The following JAZF1 variants were observed in gnomAD, a reference collection of about 807,000 sequenced individuals.
The protein encoded by JAZF1 is JAZF zinc finger 1, also known as juxtaposed with another zinc finger protein 1.
Under a neutral mutation model 26.4 loss-of-function variants are expected in JAZF1, and 8 were observed. The ratio of observed to expected loss-of-function variants is 0.30; its 90% CI spans 0.18 to 0.55. JAZF1 has a LOEUF of 0.55. JAZF1 is among the 20% of genes least tolerant of loss of function. JAZF1 has a pLI of 0.94. For synonymous variants in JAZF1, 126 were observed against 122.3 expected, an observed-to-expected ratio of 1.03 and a Z score of -0.20; for missense variants, 199 against 322.0, an observed-to-expected ratio of 0.62 and a Z score of 2.92.
In JAZF1 at chr7:27,831,009, G is replaced by A; in HGVS notation, c.*1791C>T. On this transcript the variant is annotated 3_prime_UTR_variant, in exon 5 of 5. Transcript: ENST00000283928. ...ATTGCTGGCCTAAAAAATTTTTTTT[G>A]GTCAATTGTAGGTAGATATGAAATA... 1 of 219,082 alleles carries A rather than the reference G, an allele frequency of 4.6e-6. No homozygotes were observed. The highest frequency in any genetic ancestry group is 9.2e-6 in the Non-Finnish European group (1 of 108,930). The allele number at this position is 219,082 out of a possible 1,614,324, so 13.6% of individuals were successfully genotyped here.
chr7:27,965,926 CAT>C (rs1306312073), intron 2 of JAZF1, among the ~76,000 whole-genome samples: 3 of 152,162 alleles, frequency 2.0e-5, no homozygotes, highest in Non-Finnish European at 2.9e-5. Context: ...GCAACCACTG[CAT>C]ATACAAAACC....
chr7:28,091,013 A>T (rs1332781375), intron 1 of JAZF1, among the ~76,000 whole-genome samples: 10 of 149,988 alleles, frequency 6.7e-5, no homozygotes, highest in Non-Finnish European at 1.3e-4. Context: ...TTTTTAGTAG[A>T]GACGGGGTTT....
chr7:27,878,389 C>CA (rs1783716936), intron 3 of JAZF1, among the ~76,000 whole-genome samples: 1 of 151,366 alleles, frequency 6.6e-6, no homozygotes, highest in Non-Finnish European at 1.5e-5. Context: ...CACACACACA[C>CA]CCCATTTCCC....
chr7:28,002,311 T>C (rs951075731), intron 1 of JAZF1, among the ~76,000 whole-genome samples: 7 of 152,164 alleles, frequency 4.6e-5, no homozygotes, highest in Non-Finnish European at 8.8e-5. Context: ...TCCCAAAAGA[T>C]GACTATGAAA....
intron 1 of JAZF1, among the ~76,000 whole-genome samples, chr7:28,005,900 G>A (rs903293829): frequency 1.4e-5 from 2 of 147,476 alleles, no homozygotes; most frequent in East Asian, 2.0e-4. Flanking sequence ...AAAAAAAAAA[G>A]GCTTAAATTT....
In JAZF1 at chr7:28,105,842, A is replaced by C. The variant is rs113623795; in HGVS notation, c.115+74621T>G. On this transcript the variant is annotated intron_variant, in intron 1 of 4. Coordinates refer to ENST00000283928, the MANE Select transcript of JAZF1 (RefSeq NM_175061.4). ...TTTCTCACTTTATCAAAGTGACTCG[A>C]TGAGCACACAGCATCTCATCCTCAT... Among the ~76,000 whole-genome samples, 546 of 152,376 alleles carry C rather than the reference A, an allele frequency of 3.6e-3. 1 individual carries two copies. Among genetic ancestry groups the C allele is most frequent in the Admixed American group, 6.9e-3 (105 of 15,306 alleles).
chr7:27,940,918 C>T (rs1784837413), intron 2 of JAZF1, among the ~76,000 whole-genome samples: 1 of 152,136 alleles, frequency 6.6e-6, no homozygotes, highest in Non-Finnish European at 1.5e-5. Flanking sequence ...ATGTCTTGGC[C>T]TGGTAATATA....
At chr7:27,989,349 T>C (rs1785843611) in intron 2 of JAZF1, among the ~76,000 whole-genome samples, 1 of 152,144 alleles carries the variant, frequency 6.6e-6, no homozygotes, top group South Asian at 2.1e-4. Flanking sequence ...GAAAGAAACC[T>C]AGGCAATAGC....
chr7:27,954,211 T>C (rs1412627014), intron 2 of JAZF1, among the ~76,000 whole-genome samples: 2 of 152,326 alleles, frequency 1.3e-5, no homozygotes, highest in African/African-American at 4.8e-5. Flanking sequence ...GTAAATACTT[T>C]GGTTAGTGAG....
chr7:27,974,591 T>C (rs1039426701), intron 2 of JAZF1, among the ~76,000 whole-genome samples: 2 of 152,220 alleles, frequency 1.3e-5, no homozygotes, highest in African/African-American at 4.8e-5. Flanking sequence ...ATCATCCTGC[T>C]ATATACTTTT....
intron 2 of JAZF1, among the ~76,000 whole-genome samples, chr7:27,919,782 ATAAT>A (rs1277890366): frequency 6.6e-6 from 1 of 152,190 alleles, no homozygotes; most frequent in Non-Finnish European, 1.5e-5. Context: ...CATTTATTAA[ATAAT>A]TAATACGTAA....
Position 27,987,370 on chromosome 7 carries a change from G to A in JAZF1, c.188+4539C>T, listed in dbSNP as rs547871594. The stretch of plus-strand genomic sequence containing the variant: ...CCACCCCATCTGGGAGGTGAGGAGC[G>A]TCTCTGCCCGGCCGCCCCGTCTGAG... On this transcript the variant is annotated intron_variant, in intron 2 of 4. Transcript: ENST00000283928. Among the ~76,000 whole-genome samples the A allele has an allele frequency of 6.5e-3, 973 of 149,584 alleles. 14 individuals are homozygous for A. Among genetic ancestry groups the A allele is most frequent in the African/African-American group, 0.023 (924 of 40,380 alleles).
chr7:27,986,856 C>T (rs896012100), intron 2 of JAZF1, among the ~76,000 whole-genome samples: 3 of 152,132 alleles, frequency 2.0e-5, no homozygotes, highest in Non-Finnish European at 2.9e-5. Context: ...GGGGTTTCGC[C>T]GTGTTGGCCG....
At chr7:27,954,066 G>T (rs1311021594) in intron 2 of JAZF1, among the ~76,000 whole-genome samples, 5 of 152,176 alleles carry the variant, frequency 3.3e-5, no homozygotes, top group Admixed American at 3.3e-4. Flanking sequence ...GTCCTTCCCA[G>T]TTAGTCTGTC....
chr7:28,020,449 G>A (rs1000616853), intron 1 of JAZF1: 14 of 383,800 alleles, frequency 3.6e-5, no homozygotes, highest in East Asian at 7.4e-5. Flanking sequence ...GAGAGCCAGC[G>A]CCTCCACGGT....
intron 1 of JAZF1, among the ~76,000 whole-genome samples, chr7:28,004,184 G>C (rs1033145002): frequency 1.3e-5 from 2 of 152,146 alleles, no homozygotes; most frequent in African/African-American, 4.8e-5. Context: ...TTAGAGAAAT[G>C]GCAGGGATAA....
intron 1 of JAZF1, among the ~76,000 whole-genome samples, chr7:28,127,807 G>A (rs565255240): frequency 4.2e-4 from 64 of 152,228 alleles, no homozygotes; most frequent in Non-Finnish European, 5.7e-4. Flanking sequence ...GAGAAGTGCC[G>A]AGCAAAAGGG....
intron 1 of JAZF1, among the ~76,000 whole-genome samples, chr7:28,079,482 G>A (rs1050919268): frequency 2.0e-5 from 3 of 152,134 alleles, no homozygotes; most frequent in Admixed American, 2.0e-4. Flanking sequence ...ACTAAGCCAC[G>A]AGGAGCAAAA....
At chr7:27,930,918 G>T (rs539247753) in intron 2 of JAZF1, among the ~76,000 whole-genome samples, 88 of 152,192 alleles carry the variant, frequency 5.8e-4, no homozygotes, top group South Asian at 4.4e-3. Flanking sequence ...TATATGACCA[G>T]TAATTGAAGT....
Sources: allele counts gnomAD v4.1 joint callset (sites outside exome capture counted in the v4.1 genomes callset), GRCh38; gene constraint gnomAD v4.1.1; transcripts MANE v1.5; gene names NCBI Gene and HGNC (gene_info 2026-07-23, HGNC 2026-07-21).